Variants in WWOX observed in about 807,000 individuals in gnomAD.
The protein encoded by WWOX is WW domain containing oxidoreductase.
In WWOX, 69 loss-of-function variants were observed where a neutral mutation model predicts 46.2. That is an observed-to-expected ratio of 1.49 (90% CI 1.23 to 1.82). WWOX has a LOEUF of 1.82. Ranked by LOEUF, WWOX falls within the 40% of genes most tolerant of loss-of-function variation. WWOX has a pLI of 0.00. For synonymous variants in WWOX, 359 were observed against 202.6 expected, an observed-to-expected ratio of 1.77 and a Z score of -6.56; for missense variants, 919 against 542.6, an observed-to-expected ratio of 1.69 and a Z score of -6.89.
intron 8 of WWOX, among the ~76,000 whole-genome samples, chr16:78,951,919 T>A (rs2046068233): frequency 6.6e-6 from 1 of 152,150 alleles, no homozygotes. Context: ...CAGGGGCCAT[T>A]GTTTCCTTCC....
At chr16:78,181,338 T>C (rs1401054244) in intron 5 of WWOX, among the ~76,000 whole-genome samples, 1 of 152,190 alleles carries the variant, frequency 6.6e-6, no homozygotes, top group Non-Finnish European at 1.5e-5. Flanking sequence ...CATTTCTTGC[T>C]TAGAAAGGAG....
intron 8 of WWOX, among the ~76,000 whole-genome samples, chr16:78,687,033 A>G (rs546350620): frequency 6.6e-6 from 1 of 152,334 alleles, no homozygotes; most frequent in East Asian, 1.9e-4. Context: ...ATGGCCAACA[A>G]GAGAGTAGGG....
intron 5 of WWOX, among the ~76,000 whole-genome samples, chr16:78,258,993 C>T (rs909993630): frequency 3.3e-5 from 5 of 152,168 alleles, no homozygotes; most frequent in Non-Finnish European, 5.9e-5. Flanking sequence ...ACTTCTCATT[C>T]CTTACCTCAG....
intron 5 of WWOX, chr16:78,265,968 G>C (rs1233465742): frequency 6.6e-6 from 1 of 152,174 alleles, no homozygotes; most frequent in Non-Finnish European, 1.5e-5. Flanking sequence ...GGGAATTGAG[G>C]TGTAGAGCTG....
intron 8 of WWOX, among the ~76,000 whole-genome samples, chr16:78,462,111 G>A (rs922814418): frequency 1.3e-5 from 2 of 152,218 alleles, no homozygotes; most frequent in African/African-American, 4.8e-5. Context: ...TGCTCTTGAA[G>A]GCAGGCTTAA....
chr16:78,385,669 T>G (rs2151933108), intron 5 of WWOX, among the ~76,000 whole-genome samples: 1 of 152,236 alleles, frequency 6.6e-6, no homozygotes, highest in Non-Finnish European at 1.5e-5. Context: ...ACACTTAGGG[T>G]AGAGGATGTT....
chr16:78,970,900 T>G (rs11860206), intron 8 of WWOX, among the ~76,000 whole-genome samples: 5 of 151,728 alleles, frequency 3.3e-5, no homozygotes, highest in Non-Finnish European at 5.9e-5. Flanking sequence ...ATGATTTGTT[T>G]GCTTCTGTCT....
At position 79,021,871 on chromosome 16, in the gene WWOX, GA is replaced by G. The variant is rs376802917; in HGVS notation, c.1057-189736del. ...CACACAAAAAGTGCCAGTTATAAAG[GA>G]GCAGGAGGTTTTCTGGAGCCAGGAT... On this transcript the variant is annotated intron_variant, in intron 8 of 8. Transcript: ENST00000566780. Among the ~76,000 whole-genome samples, 16 of 152,300 alleles carry G rather than the reference GA, an allele frequency of 1.1e-4. No homozygotes were observed. The East Asian group carries it at 2.5e-3, about 24-fold the overall frequency.
chr16:78,404,997 G>C (rs954011545), intron 6 of WWOX, among the ~76,000 whole-genome samples: 1 of 152,190 alleles, frequency 6.6e-6, no homozygotes, highest in Admixed American at 6.5e-5. Flanking sequence ...AACCATCTTG[G>C]AGAGCATGTG....
chr16:78,510,587 C>G (rs144673888), intron 8 of WWOX, among the ~76,000 whole-genome samples: 3 of 152,296 alleles, frequency 2.0e-5, no homozygotes, highest in African/African-American at 4.8e-5. Context: ...CAACTGCAAC[C>G]ATAATTTAGC....
At chr16:78,373,634 ATTT>A (rs201378338) in intron 5 of WWOX, among the ~76,000 whole-genome samples, 1 of 146,638 alleles carries the variant, frequency 6.8e-6, no homozygotes. Context: ...GCATAGAACT[ATTT>A]TTTTTTTTTA....
chr16:79,212,164 C>A lies in WWOX; in HGVS notation c.*368C>A, dbSNP rs528362155. ...CCCTCGTCCCATCCAGCTACCACCA[C>A]GGCCACCACTGCAGCCGGGGGCTGG... On this transcript the variant is annotated 3_prime_UTR_variant, in exon 9 of 9. Transcript: ENST00000566780. 17 of 1,494,344 alleles carry A rather than the reference C, an allele frequency of 1.1e-5. No homozygotes were observed. The highest frequency in any genetic ancestry group is 4.2e-5 in the African/African-American group (3 of 71,138). The allele number at this position is 1,494,344 out of a possible 1,614,324, so 92.6% of individuals were successfully genotyped here. A position where few individuals can be genotyped will look rare whatever the true frequency, so the allele number is the denominator to read the frequency against.
chr16:79,044,913 G>A (rs912828846), intron 8 of WWOX, among the ~76,000 whole-genome samples: 1 of 151,874 alleles, frequency 6.6e-6, no homozygotes, highest in Non-Finnish European at 1.5e-5. Context: ...GCTAATGCTA[G>A]TGCTCATTTC....
chr16:78,189,055 T>C (rs987452879), intron 5 of WWOX, among the ~76,000 whole-genome samples: 1 of 152,144 alleles, frequency 6.6e-6, no homozygotes, highest in Non-Finnish European at 1.5e-5. Flanking sequence ...AACCTTCCTG[T>C]TGAAGCTGGT....
intron 8 of WWOX, among the ~76,000 whole-genome samples, chr16:78,818,075 C>G (rs1423836018): frequency 2.6e-5 from 4 of 152,204 alleles, no homozygotes; most frequent in African/African-American, 9.7e-5. Flanking sequence ...AAGGGCCCAT[C>G]AGAGCTAATC....
chr16:78,727,808 C>T (rs2048871793), intron 8 of WWOX, among the ~76,000 whole-genome samples: 1 of 151,964 alleles, frequency 6.6e-6, no homozygotes, highest in Admixed American at 6.6e-5. Flanking sequence ...TAGAGTGTGT[C>T]CTACCTATGT....
intron 8 of WWOX, among the ~76,000 whole-genome samples, chr16:78,466,619 CA>C (rs1296329839): frequency 3.3e-5 from 5 of 152,014 alleles, no homozygotes; most frequent in Admixed American, 2.0e-4. Flanking sequence ...CACTTGAGGT[CA>C]GGAGTTCGAG....
chr16:78,908,489 G>A (rs1434724468), intron 8 of WWOX, among the ~76,000 whole-genome samples: 6 of 150,638 alleles, frequency 4.0e-5, no homozygotes, highest in East Asian at 2.0e-4. Context: ...GCAGTGAGTC[G>A]AGATCACACC....
chr16:78,292,888 G>T (rs1324350446), intron 5 of WWOX, among the ~76,000 whole-genome samples: 1 of 152,164 alleles, frequency 6.6e-6, no homozygotes, highest in African/African-American at 2.4e-5. Flanking sequence ...GAATCTTCAA[G>T]CCAGTGATCC....
Sources: gnomAD v4.1 joint callset for allele counts (sites outside exome capture counted in the v4.1 genomes callset) on GRCh38, gnomAD v4.1.1 for gene constraint, MANE v1.5 for transcripts, NCBI Gene and HGNC (gene_info 2026-07-23, HGNC 2026-07-21) for gene names.